ESR1: variants seen among roughly 807,000 people sequenced by gnomAD.
ESR1 encodes estrogen receptor 1.
Under a neutral mutation model 52.7 loss-of-function variants are expected in ESR1, and 12 were observed. The observed-to-expected ratio is 0.23, with a 90% CI of 0.15 to 0.37. The LOEUF is 0.37. ESR1 is among the 10% of genes least tolerant of loss of function. ESR1 has a pLI of 1.00. For missense variants in ESR1, 584 were observed against 779.7 expected, an observed-to-expected ratio of 0.75 and a Z score of 2.99; for synonymous variants, 305 against 316.8, an observed-to-expected ratio of 0.96 and a Z score of 0.39.
chr6:151,939,068 CACG>C (rs1315442427), intron 3 of ESR1, among the ~76,000 whole-genome samples: 3 of 152,180 alleles, frequency 2.0e-5, no homozygotes, highest in Non-Finnish European at 2.9e-5. Flanking sequence ...CTATCCAGGG[CACG>C]ACATCTCTAT....
chr6:151,998,864 T>C (rs2041718899), intron 4 of ESR1, among the ~76,000 whole-genome samples: 1 of 152,120 alleles, frequency 6.6e-6, no homozygotes, highest in African/African-American at 2.4e-5. Flanking sequence ...TTGGAATGAT[T>C]TGGTTTTTGC....
At chr6:151,907,412 A>G (rs980907254) in intron 3 of ESR1, among the ~76,000 whole-genome samples, 14 of 152,068 alleles carry the variant, frequency 9.2e-5, no homozygotes, top group Admixed American at 7.2e-4. Context: ...AAAATATCTT[A>G]CATATTAAAA....
chr6:151,843,393 T>C (rs1219772058), intron 2 of ESR1, among the ~76,000 whole-genome samples: 1 of 152,190 alleles, frequency 6.6e-6, no homozygotes, highest in East Asian at 1.9e-4. Flanking sequence ...TAGCATTTCA[T>C]TTTCCCGCCT....
At chr6:152,026,643 CTATT>C (rs2044169090) in intron 5 of ESR1, among the ~76,000 whole-genome samples, 1 of 151,434 alleles carries the variant, frequency 6.6e-6, no homozygotes, top group Non-Finnish European at 1.5e-5. Context: ...TCTTTATTTA[CTATT>C]TATTGATTTA....
intron 6 of ESR1, among the ~76,000 whole-genome samples, chr6:152,116,108 G>C (rs1436848622): frequency 6.6e-6 from 1 of 152,188 alleles, no homozygotes; most frequent in Non-Finnish European, 1.5e-5. Flanking sequence ...TTCATCTCTG[G>C]TGTGGGTGGG....
At chr6:152,091,289 T>C (rs926212225) in intron 6 of ESR1, among the ~76,000 whole-genome samples, 2 of 152,222 alleles carry the variant, frequency 1.3e-5, no homozygotes, top group African/African-American at 4.8e-5. Context: ...ATGGCTGCTG[T>C]TGTCAACTAT....
At chr6:151,767,314 G>C (rs1439361018) in intron 2 of ESR1, among the ~76,000 whole-genome samples, 1 of 152,172 alleles carries the variant, frequency 6.6e-6, no homozygotes, top group African/African-American at 2.4e-5. Flanking sequence ...GAGAGTAAAA[G>C]TTTATTTTTC....
intron 3 of ESR1, among the ~76,000 whole-genome samples, chr6:151,895,011 T>C (rs1795264580): frequency 6.6e-6 from 1 of 152,186 alleles, no homozygotes; most frequent in Non-Finnish European, 1.5e-5. Flanking sequence ...ATTCTACTCA[T>C]CCATGAGCAT....
chr6:152,075,785 A>G (rs1333655690), intron 6 of ESR1, among the ~76,000 whole-genome samples: 1 of 152,020 alleles, frequency 6.6e-6, no homozygotes, highest in Non-Finnish European at 1.5e-5. Context: ...ACATGTGCAT[A>G]TTGGCCAATT....
At chr6:151,716,403 T>A (rs957408720) in intron 2 of ESR1, among the ~76,000 whole-genome samples, 1 of 152,122 alleles carries the variant, frequency 6.6e-6, no homozygotes, top group African/African-American at 2.4e-5. Context: ...CAGGCAGGAA[T>A]GTTTAAATCT....
intron 2 of ESR1, among the ~76,000 whole-genome samples, chr6:151,782,016 C>A (rs1462714203): frequency 6.6e-6 from 1 of 152,164 alleles, no homozygotes; most frequent in Non-Finnish European, 1.5e-5. Flanking sequence ...TCTTCATTAA[C>A]TGTAACGTGG....
At chr6:151,890,948 G>A (rs1201891697) in intron 3 of ESR1, among the ~76,000 whole-genome samples, 1 of 151,932 alleles carries the variant, frequency 6.6e-6, no homozygotes, top group Admixed American at 6.6e-5. Flanking sequence ...TTTACTCACT[G>A]TATCTCTTTC....
chr6:151,794,824 T>C (rs1174540965), intron 2 of ESR1, among the ~76,000 whole-genome samples: 1 of 152,192 alleles, frequency 6.6e-6, no homozygotes, highest in Admixed American at 6.5e-5. Flanking sequence ...CAGAGAAACA[T>C]TGCTAATTTG....
chr6:151,806,925 A>G (rs919662212), upstream of ESR1, among the ~76,000 whole-genome samples: 1 of 152,134 alleles, frequency 6.6e-6, no homozygotes, highest in Non-Finnish European at 1.5e-5. Flanking sequence ...CATCCTTCAC[A>G]TGAGAATTCC....
At chr6:151,695,154 G>T (rs928611834) in intron 1 of ESR1, among the ~76,000 whole-genome samples, 9 of 152,166 alleles carry the variant, frequency 5.9e-5, no homozygotes, top group Non-Finnish European at 1.3e-4. Flanking sequence ...CCTTTCTGTT[G>T]TAAAAACCAT....
intron 2 of ESR1, among the ~76,000 whole-genome samples, chr6:151,789,131 G>T (rs148926161): frequency 1.3e-5 from 2 of 152,100 alleles, no homozygotes; most frequent in African/African-American, 4.8e-5. Flanking sequence ...ACCCCAAAAG[G>T]TGAAGTGTTG....
intron 2 of ESR1, among the ~76,000 whole-genome samples, chr6:151,709,211 A>G (rs1160729083): frequency 6.6e-6 from 1 of 151,944 alleles, no homozygotes; most frequent in Admixed American, 6.6e-5. Context: ...TAGACTCTAC[A>G]TATAAGTGAG....
Position 151,868,197 on chromosome 6 carries a change from G to A in ESR1, c.644-12458G>A, listed in dbSNP as rs985891817. On this transcript the variant is annotated intron_variant, in intron 2 of 7. Coordinates refer to ENST00000206249, the MANE Select transcript of ESR1 (RefSeq NM_000125.4). The stretch of plus-strand genomic sequence containing the variant: ...GGCTAGAGTGCAATGGCTTGATCTC[G>A]GCTCAATGCAACCTCCGCCTCCCAG... Among the ~76,000 whole-genome samples, 23 of 151,882 alleles carry A rather than the reference G, an allele frequency of 1.5e-4. 1 individual carries two copies. Among genetic ancestry groups the A allele is most frequent in the Admixed American group, 9.2e-4 (14 of 15,222 alleles).
intron 1 of ESR1, among the ~76,000 whole-genome samples, chr6:151,814,979 A>G (rs1779384930): frequency 6.6e-6 from 1 of 152,240 alleles, no homozygotes; most frequent in South Asian, 2.1e-4. Flanking sequence ...TGCTAACTGT[A>G]ACTTCCCACT....
Sources: allele counts gnomAD v4.1 joint callset (sites outside exome capture counted in the v4.1 genomes callset), GRCh38; gene constraint gnomAD v4.1.1; transcripts MANE v1.5; gene names NCBI Gene and HGNC (gene_info 2026-07-23, HGNC 2026-07-21).